TTC28: variants seen among roughly 807,000 people sequenced by gnomAD.
TTC28 encodes tetratricopeptide repeat protein 28.
In TTC28, 61 loss-of-function variants were observed where a neutral mutation model predicts 198.0. The observed-to-expected ratio is 0.31, with a 90% CI of 0.25 to 0.38. The LOEUF (loss-of-function observed/expected upper bound fraction) is 0.38, where lower values mean the gene tolerates loss of function less well. TTC28 is among the 10% of genes least tolerant of loss of function. TTC28 has a pLI of 1.00. For missense variants in TTC28, 2,678 were observed against 3,164.0 expected, an observed-to-expected ratio of 0.85 and a Z score of 3.69; for synonymous variants, 1,171 against 1,297.8, an observed-to-expected ratio of 0.90 and a Z score of 2.10.
chr22:28,388,827 C>A (rs550033102), intron 2 of TTC28, among the ~76,000 whole-genome samples: 2 of 152,126 alleles, frequency 1.3e-5, no homozygotes, highest in African/African-American at 2.4e-5. Context: ...ATTCAATACC[C>A]TTTATTTCCT....
Position 28,585,988 on chromosome 22 carries a change from A to G in TTC28, c.381+43564T>C, listed in dbSNP as rs190387868. Reference sequence around the variant, plus strand: ...ACTTAAGGTACAATTAAAAAAAAAAAAAGAAGAAGAAGCCGGGTGCGGTGG... The same window carrying G: ...ACTTAAGGTACAATTAAAAAAAAAAGAAGAAGAAGAAGCCGGGTGCGGTGG... On this transcript the variant is annotated intron_variant, in intron 2 of 22. Transcript: ENST00000397906. 2.1e-3 allele frequency among the ~76,000 whole-genome samples: 324 copies of G among 152,100 alleles called. 5 individuals are homozygous for G. The highest frequency in any genetic ancestry group is 1.4e-3 in the Non-Finnish European group (92 of 67,980).
chr22:28,125,092 C>T (rs1434445481), intron 6 of TTC28, among the ~76,000 whole-genome samples: 2 of 152,194 alleles, frequency 1.3e-5, no homozygotes, highest in Admixed American at 6.5e-5. Flanking sequence ...GCTCACCATG[C>T]TCTCATGCCT....
chr22:28,671,458 A>G (rs931419201), intron 1 of TTC28, among the ~76,000 whole-genome samples: 1 of 151,522 alleles, frequency 6.6e-6, no homozygotes, highest in African/African-American at 2.4e-5. Context: ...ACACAGTGAA[A>G]CCCCATCTCT....
intron 2 of TTC28, among the ~76,000 whole-genome samples, chr22:28,564,620 T>C (rs1325654122): frequency 1.3e-5 from 2 of 151,866 alleles, no homozygotes; most frequent in East Asian, 1.9e-4. Flanking sequence ...TCAACAATAC[T>C]ATACAGTGCA....
chr22:28,107,511 T>C lies in TTC28; in HGVS notation c.2334A>G (p.Thr778=). The C allele has an allele frequency of 6.4e-7, 1 of 1,551,762 alleles. No individual in the cohort carries two copies. The highest frequency in any genetic ancestry group is 8.7e-7 in the Non-Finnish European group (1 of 1,147,008). ...GCTCCTGATATACCTCCAGTTCCTG[T>C]GTGTGATAACCCAGGGCCTTGTCAT... ...QKYDKALGYH[T]QELEVYQELS... is the part of the protein sequence containing the mutation. Residue 778 remains threonine (T), a synonymous_variant, in exon 7 of 23, where the codon ACA becomes ACG. Transcript: ENST00000397906.
intron 5 of TTC28, among the ~76,000 whole-genome samples, chr22:28,218,452 T>C (rs1409441811): frequency 1.3e-5 from 2 of 152,178 alleles, no homozygotes; most frequent in East Asian, 3.8e-4. Context: ...GCAAATACTG[T>C]TTTCCTTGAA....
chr22:28,131,740 G>T (rs1943063707), intron 6 of TTC28, among the ~76,000 whole-genome samples: 1 of 152,168 alleles, frequency 6.6e-6, no homozygotes, highest in East Asian at 1.9e-4. Flanking sequence ...CTGTAAAATG[G>T]TGGTAATACG....
intron 2 of TTC28, among the ~76,000 whole-genome samples, chr22:28,379,487 C>T (rs1021763965): frequency 6.6e-6 from 1 of 152,028 alleles, no homozygotes; most frequent in Non-Finnish European, 1.5e-5. Flanking sequence ...ATAGATGAAC[C>T]TTGAGGACAT....
At chr22:28,646,723 G>A (rs2051473589) in intron 1 of TTC28, among the ~76,000 whole-genome samples, 1 of 152,152 alleles carries the variant, frequency 6.6e-6, no homozygotes, top group Non-Finnish European at 1.5e-5. Context: ...AAATTAGCCT[G>A]GCATGGTGGT....
intron 5 of TTC28, among the ~76,000 whole-genome samples, chr22:28,276,462 G>A (rs955231590): frequency 6.6e-6 from 1 of 152,164 alleles, no homozygotes; most frequent in Non-Finnish European, 1.5e-5. Flanking sequence ...ATCTGAATTA[G>A]TAATAAGATT....
intron 14 of TTC28, among the ~76,000 whole-genome samples, chr22:28,002,892 G>A (rs1208264470): frequency 6.6e-6 from 1 of 152,186 alleles, no homozygotes; most frequent in Non-Finnish European, 1.5e-5. Context: ...GCTGAGGCAG[G>A]AGAATCGCTT....
chr22:28,000,685 G>A (rs1937649752), intron 15 of TTC28: 1 of 152,536 alleles, frequency 6.6e-6, no homozygotes, highest in East Asian at 1.9e-4. Context: ...GTCTCTGAGA[G>A]TTTGGAGAAG....
chr22:28,431,647 C>G (rs2047431124), intron 2 of TTC28, among the ~76,000 whole-genome samples: 1 of 152,164 alleles, frequency 6.6e-6, no homozygotes, highest in Admixed American at 6.5e-5. Flanking sequence ...TACTAAGTTT[C>G]TCCATATTTT....
rs529815727 is a variant in TTC28, at chr22:28,105,006, G to A, written c.3307+273C>T. 6.6e-5 allele frequency among the ~76,000 whole-genome samples: 10 copies of A among 152,224 alleles called. No homozygotes were observed. In the South Asian group the frequency reaches 1.5e-3, roughly 22 times the overall value. ...GGTATCAGCTCCTTGGGCAGCTGGC[G>A]AGCAGTAGATGCTGTCACTGAGAGA... is the stretch of plus-strand genomic sequence containing the variant. On this transcript the variant is annotated intron_variant, in intron 8 of 22. Transcript: ENST00000397906.
chr22:28,595,353 G>A, intron 2 of TTC28, among the ~76,000 whole-genome samples: 1 of 152,168 alleles, frequency 6.6e-6, no homozygotes, highest in Non-Finnish European at 1.5e-5. Flanking sequence ...CAGGAGAATG[G>A]TTTAATGTAA....
intron 2 of TTC28, among the ~76,000 whole-genome samples, chr22:28,533,120 C>T (rs531289595): frequency 1.2e-4 from 19 of 152,168 alleles, no homozygotes; most frequent in African/African-American, 4.6e-4. Flanking sequence ...TCAAATTGTC[C>T]CTGTTTGTAG....
intron 16 of TTC28, 149 bp from the exon 17 acceptor site, chr22:27,996,408 TCTGA>T (rs1317527079): frequency 1.8e-6 from 2 of 1,116,210 alleles, no homozygotes; most frequent in Non-Finnish European, 2.5e-6. Flanking sequence ...GCCTGGGGCA[TCTGA>T]CTCACTGGAT....
intron 5 of TTC28, among the ~76,000 whole-genome samples, chr22:28,174,917 C>T (rs1923015857): frequency 6.6e-6 from 1 of 151,738 alleles, no homozygotes; most frequent in Non-Finnish European, 1.5e-5. Context: ...TTTGTTCATT[C>T]ATTCTTGCAT....
Position 27,983,144 on chromosome 22 carries a change from T to A in TTC28, c.6523A>T (p.Ile2175Phe). ...KILEETQSHL[I>F]AVERLQRSGG... ...CTCCTCTGAAGACGCTCCACCGCAA[T>A]GAGATGACTCTGTGTCTCCTCCAGA... Residue 2175 changes from isoleucine to phenylalanine, a missense_variant, in exon 23 of 23, where the codon ATT (isoleucine) becomes TTT (phenylalanine). By Grantham distance (21) the Ile-to-Phe change is conservative. This residue lies in a region of TTC28 where 622 missense variants were observed against 656.0 expected (regional missense o/e 0.95). Coordinates refer to ENST00000397906, the MANE Select transcript of TTC28 (RefSeq NM_001145418.2). 6.4e-7 allele frequency: 1 copy of A among 1,551,452 alleles called. No homozygotes were observed. Among genetic ancestry groups the A allele is most frequent in the Non-Finnish European group, 8.7e-7 (1 of 1,146,720 alleles).
Sources: allele counts gnomAD v4.1 joint callset (sites outside exome capture counted in the v4.1 genomes callset), GRCh38; gene constraint gnomAD v4.1.1; regional missense constraint gnomAD v4.1.1; transcripts MANE v1.5; gene names NCBI Gene and HGNC (gene_info 2026-07-23, HGNC 2026-07-21).